MEGF10: variants seen among roughly 807,000 people sequenced by gnomAD.
MEGF10 encodes the protein multiple EGF like domains 10.
MEGF10 carries 86 observed loss-of-function variants against 147.5 expected under a neutral mutation model. The observed-to-expected ratio is 0.58, with a 90% CI of 0.49 to 0.70. The LOEUF (loss-of-function observed/expected upper bound fraction) is 0.70. MEGF10 is among the 30% of genes least tolerant of loss of function. MEGF10 has a pLI of 0.00. For missense variants in MEGF10, 1,329 were observed against 1,487.3 expected (o/e 0.89, Z 1.75); for synonymous variants, 478 against 525.5 (o/e 0.91, Z 1.24).
At chr5:127,238,041 ATATATATATATATATATATATATG>A in the MEGF10 span, among the ~76,000 whole-genome samples, 1 of 33,386 alleles carries the variant, frequency 3.0e-5, no homozygotes, top group African/African-American at 1.6e-4. Flanking sequence ...ATATATATAT[ATATATATATATATATATATATATG>A]TATATACTGA....
Position 127,336,511 on chromosome 5 carries a change from A to G in MEGF10, c.117-2609A>G, listed in dbSNP as rs1761476042. Among the ~76,000 whole-genome samples, 6 of 152,088 alleles carry G rather than the reference A, an allele frequency of 3.9e-5. No individual in the cohort carries two copies. The South Asian group carries it at 1.2e-3, about 32-fold the overall frequency. On this transcript the variant is annotated intron_variant, in intron 2 of 24. Coordinates refer to ENST00000503335, the MANE Select transcript of MEGF10 (RefSeq NM_001256545.2). ...GAAGAGGAAATTTATGTACTCCAAC[A>G]TTCCCTCTCATTTAAAAACTCTTTT... is the stretch of plus-strand genomic sequence containing the variant.
At chr5:127,413,732 T>C (rs976811986) in intron 9 of MEGF10, among the ~76,000 whole-genome samples, 1 of 152,218 alleles carries the variant, frequency 6.6e-6, no homozygotes, top group Admixed American at 6.5e-5. Flanking sequence ...TTAAGCTGCC[T>C]GCATGAGAAC....
the MEGF10 span, among the ~76,000 whole-genome samples, chr5:127,229,992 A>C: frequency 2.0e-5 from 3 of 152,202 alleles, no homozygotes; most frequent in African/African-American, 4.8e-5. Context: ...AAAGAGAGGC[A>C]TCAATAAGAA....
chr5:127,258,984 T>C, the MEGF10 span, among the ~76,000 whole-genome samples: 2 of 152,208 alleles, frequency 1.3e-5, no homozygotes, highest in Non-Finnish European at 2.9e-5. Flanking sequence ...GTGAGGGTCA[T>C]TGGAGAATGG....
At chr5:127,325,271 A>G (rs1760965686) in intron 1 of MEGF10, among the ~76,000 whole-genome samples, 1 of 152,114 alleles carries the variant, frequency 6.6e-6, no homozygotes, top group Non-Finnish European at 1.5e-5. Flanking sequence ...TCATATTTTG[A>G]TTATAATTTT....
At chr5:127,324,672 T>A (rs1028653298) in intron 1 of MEGF10, among the ~76,000 whole-genome samples, 7 of 152,150 alleles carry the variant, frequency 4.6e-5, no homozygotes, top group Non-Finnish European at 8.8e-5. Flanking sequence ...TCTCTGTTAA[T>A]CTCCCAAACA....
chr5:127,420,973 T>G (rs1764978457), intron 12 of MEGF10, among the ~76,000 whole-genome samples: 1 of 152,186 alleles, frequency 6.6e-6, no homozygotes, highest in Non-Finnish European at 1.5e-5. Context: ...ACTGGGCCCC[T>G]CGAGAAGGGC....
At chr5:127,231,970 A>G in the MEGF10 span, among the ~76,000 whole-genome samples, 3 of 152,358 alleles carry the variant, frequency 2.0e-5, no homozygotes, top group Admixed American at 2.0e-4. Context: ...TGATTTATCC[A>G]CAGACACTGT....
the MEGF10 span, among the ~76,000 whole-genome samples, chr5:127,246,932 ATAT>A: frequency 7.7e-6 from 1 of 129,408 alleles, no homozygotes. Flanking sequence ...ATACAATAAT[ATAT>A]GATTATATTA....
intron 13 of MEGF10, among the ~76,000 whole-genome samples, chr5:127,425,609 G>T (rs2126985358): frequency 6.6e-6 from 1 of 151,940 alleles, no homozygotes; most frequent in African/African-American, 2.4e-5. Flanking sequence ...ATTGGACCAA[G>T]AATTGGCTTA....
chr5:127,317,448 T>C (rs1382000383), intron 1 of MEGF10, among the ~76,000 whole-genome samples: 1 of 152,194 alleles, frequency 6.6e-6, no homozygotes, highest in African/African-American at 2.4e-5. Context: ...GTTTTTATGG[T>C]TTTAGGTCTA....
At chr5:127,377,489 C>T (rs1378887960) in intron 5 of MEGF10, among the ~76,000 whole-genome samples, 1 of 152,170 alleles carries the variant, frequency 6.6e-6, no homozygotes. Flanking sequence ...TCACTAATAG[C>T]ATTCCGGTTA....
In MEGF10 at chr5:127,420,098, G is replaced by A. The variant is rs759115046; in HGVS notation, c.1481G>A (p.Gly494Asp). The A allele has an allele frequency of 1.9e-6, 3 of 1,614,206 alleles. No homozygotes were observed. Among genetic ancestry groups the A allele is most frequent in the South Asian group, 1.1e-5 (1 of 91,088 alleles). Residue 494 changes from glycine (G) to aspartate (D), a missense_variant, in exon 12 of 25, where the codon GGC (glycine) becomes GAC (aspartate). Physicochemically the swap from Gly to Asp is moderately conservative, Grantham distance 94 (BLOSUM62 -1). This residue lies in a region of MEGF10 where 980 missense variants were observed against 1,085.9 expected (regional missense o/e 0.90). Transcript: ENST00000503335. ...IRCPSGTWGFGCNLTCQCLNG... is the reference protein window; with the variant it reads ...IRCPSGTWGFDCNLTCQCLNG... ...TGTCCCAGTGGCACATGGGGCTTTG[G>A]CTGTAACTTAACATGCCAGTGCCTC...
In MEGF10 at chr5:127,447,537, A is replaced by G; in HGVS notation, c.2729-20A>G. 2 of 1,613,496 alleles carry G rather than the reference A, an allele frequency of 1.2e-6. No individual in the cohort carries two copies. Among genetic ancestry groups the G allele is most frequent in the Non-Finnish European group, 8.5e-7 (1 of 1,179,782 alleles). ...TTTATGGGAGCCTGCTGCCTTAACC[A>G]TTTCCTTCCCTTCTTGCAGGAACCC... On this transcript the variant is annotated intron_variant, in intron 20 of 24. Transcript: ENST00000503335.
chr5:127,405,803 T>C (rs1186794464), intron 8 of MEGF10, among the ~76,000 whole-genome samples: 2 of 152,150 alleles, frequency 1.3e-5, no homozygotes, highest in Non-Finnish European at 2.9e-5. Flanking sequence ...AAAATTTTGT[T>C]AATAGTAGCT....
intron 4 of MEGF10, among the ~76,000 whole-genome samples, chr5:127,360,842 A>ATGTGTGTATATATATGTG (rs1554094097): frequency 2.6e-5 from 4 of 151,224 alleles, no homozygotes; most frequent in African/African-American, 9.8e-5. Flanking sequence ...GAACATATAT[A>ATGTGTGTATATATATGTG]TGTGTGTATA....
chr5:127,358,821 T>A (rs1314428944), intron 4 of MEGF10, among the ~76,000 whole-genome samples: 1 of 152,192 alleles, frequency 6.6e-6, no homozygotes, highest in Non-Finnish European at 1.5e-5. Flanking sequence ...CTGGTTAACA[T>A]TTTGATGTTT....
In MEGF10 at chr5:127,290,898, C is replaced by T. The variant is rs551232270; in HGVS notation, c.-177C>T. 6.6e-6 allele frequency: 1 copy of T among 152,406 alleles called. No individual in the cohort carries two copies. The highest frequency in any genetic ancestry group is 6.5e-5 in the Admixed American group (1 of 15,312). The allele number at this position is 152,406 out of a possible 1,614,324, so 9.4% of individuals were successfully genotyped here. A position where few individuals can be genotyped will look rare whatever the true frequency, so the allele number is the denominator to read the frequency against. ...GACGTTCCTCTTTCCCGCTTCTCCA[C>T]CTTTACGCCTGAAAGAAGACTCCCA... On this transcript the variant is annotated 5_prime_UTR_variant, in exon 1 of 25. Transcript: ENST00000503335.
chr5:127,247,467 G>C, the MEGF10 span, among the ~76,000 whole-genome samples: 23,280 of 117,010 alleles, frequency 0.2, 4,188 homozygotes, highest in African/African-American at 0.33. Flanking sequence ...AGAAGAAGAA[G>C]AAGAAGAAGA....
Sources: gnomAD v4.1 joint callset for allele counts (sites outside exome capture counted in the v4.1 genomes callset) on GRCh38, gnomAD v4.1.1 for gene constraint, gnomAD v4.1.1 regional missense constraint, MANE v1.5 for transcripts, NCBI Gene and HGNC (gene_info 2026-07-23, HGNC 2026-07-21) for gene names.